The following GULP1 variants were observed in gnomAD, a reference collection of about 807,000 sequenced individuals.
GULP1 encodes PTB domain-containing engulfment adapter protein 1.
In GULP1, 19 loss-of-function variants were observed where a neutral mutation model predicts 40.9. The ratio of observed to expected loss-of-function variants is 0.46; its 90% CI spans 0.32 to 0.68. The LOEUF is 0.68. GULP1 is among the 30% of genes least tolerant of loss of function. The pLI is 0.03. For synonymous variants in GULP1, 119 were observed against 117.6 expected, an observed-to-expected ratio of 1.01 and a Z score of -0.08; for missense variants, 312 against 362.2, an observed-to-expected ratio of 0.86 and a Z score of 1.12.
intron 4 of GULP1, among the ~76,000 whole-genome samples, chr2:188,489,145 G>T (rs967990536): frequency 6.6e-6 from 1 of 151,958 alleles, no homozygotes; most frequent in Non-Finnish European, 1.5e-5. Context: ...ATCTATTAGT[G>T]TGTCAAAAAA....
chr2:188,523,920 T>TG (rs1685472850), intron 5 of GULP1, among the ~76,000 whole-genome samples: 3 of 152,196 alleles, frequency 2.0e-5, no homozygotes, highest in Middle Eastern at 3.2e-3. Context: ...CACTCCCATT[T>TG]GGGAAAAAAG....
intron 4 of GULP1, among the ~76,000 whole-genome samples, chr2:188,503,558 C>A (rs1350844116): frequency 1.3e-5 from 2 of 151,864 alleles, no homozygotes; most frequent in Non-Finnish European, 2.9e-5. Context: ...ATGAAGATTA[C>A]AATTCGAGAT....
chr2:188,337,686 G>A (rs917319291), intron 1 of GULP1, among the ~76,000 whole-genome samples: 5 of 151,814 alleles, frequency 3.3e-5, no homozygotes, highest in African/African-American at 1.2e-4. Context: ...CCTGGTGATG[G>A]TAGTCGTGCT....
intron 2 of GULP1, among the ~76,000 whole-genome samples, chr2:188,419,254 T>A (rs116779190): frequency 0.012 from 1,855 of 152,114 alleles, 16 homozygotes; most frequent in East Asian, 0.022. Context: ...AGTTTTTTTT[T>A]AAGTTGTTTG....
At chr2:188,461,518 T>C (rs768390000) in intron 2 of GULP1, among the ~76,000 whole-genome samples, 1 of 151,928 alleles carries the variant, frequency 6.6e-6, no homozygotes, top group Non-Finnish European at 1.5e-5. Flanking sequence ...TGGGTCAGGC[T>C]GGACTCAAAC....
chr2:188,329,988 G>A (rs1351034243), intron 1 of GULP1, among the ~76,000 whole-genome samples: 1 of 152,096 alleles, frequency 6.6e-6, no homozygotes, highest in African/African-American at 2.4e-5. Flanking sequence ...ACTTTGAGAT[G>A]CGCCAAAGTA....
At chr2:188,385,578 T>C (rs975010024) in intron 2 of GULP1, among the ~76,000 whole-genome samples, 11 of 152,348 alleles carry the variant, frequency 7.2e-5, no homozygotes, top group African/African-American at 2.6e-4. Context: ...AAACGGGATT[T>C]TCTTTTCTAT....
At chr2:188,488,832 C>A (rs2062088540) in intron 4 of GULP1, among the ~76,000 whole-genome samples, 1 of 151,786 alleles carries the variant, frequency 6.6e-6, no homozygotes, top group South Asian at 2.1e-4. Context: ...CATTCTGGAA[C>A]AAAATATTAA....
intron 9 of GULP1, among the ~76,000 whole-genome samples, chr2:188,581,527 T>C (rs1283343339): frequency 2.0e-5 from 3 of 152,198 alleles, no homozygotes; most frequent in Non-Finnish European, 2.9e-5. Context: ...AGCTCAGCTC[T>C]CTCCAGCTCA....
chr2:188,529,451 G>A (rs561747365), intron 6 of GULP1, among the ~76,000 whole-genome samples: 4 of 152,096 alleles, frequency 2.6e-5, no homozygotes, highest in African/African-American at 9.6e-5. Context: ...CGTGTATTTG[G>A]GAATGTTTTT....
At chr2:188,517,121 T>A (rs189106611) in intron 4 of GULP1, among the ~76,000 whole-genome samples, 16 of 152,284 alleles carry the variant, frequency 1.1e-4, no homozygotes, top group Non-Finnish European at 4.4e-5. Flanking sequence ...AAACATTATT[T>A]TTTTTTAATT....
intron 4 of GULP1, among the ~76,000 whole-genome samples, chr2:188,521,275 G>A (rs1242930368): frequency 6.6e-6 from 1 of 152,070 alleles, no homozygotes; most frequent in Non-Finnish European, 1.5e-5. Flanking sequence ...CTAGACTTCT[G>A]TTTAGGAGGT....
intron 4 of GULP1, among the ~76,000 whole-genome samples, chr2:188,491,747 A>G (rs565775590): frequency 6.6e-6 from 1 of 152,226 alleles, no homozygotes; most frequent in African/African-American, 2.4e-5. Flanking sequence ...ATTTTAAGAG[A>G]CATTTTAAAG....
At chr2:188,336,518 A>AATAAACAT (rs200705509) in intron 1 of GULP1, among the ~76,000 whole-genome samples, 1,738 of 152,312 alleles carry the variant, frequency 0.011, 14 homozygotes, top group Non-Finnish European at 0.02. Flanking sequence ...TCAGGCTGAA[A>AATAAACAT]ATAAACATAT....
In GULP1 at chr2:188,594,029, C is replaced by G; in HGVS notation, c.*18C>G. The G allele has an allele frequency of 2.1e-6, 3 of 1,405,304 alleles. No homozygotes were observed. The highest frequency in any genetic ancestry group is 3.0e-6 in the Non-Finnish European group (3 of 991,494). The allele number at this position is 1,405,304 out of a possible 1,614,324, so 87.1% of individuals were successfully genotyped here. A position where few individuals can be genotyped will look rare whatever the true frequency, so the allele number is the denominator to read the frequency against. On this transcript the variant is annotated 3_prime_UTR_variant, in exon 12 of 12. Transcript: ENST00000409830. ...GGTGCTGACATCAAGAACAAGAAAT[C>G]CTGATTCATGTTAAATGTGTTTGTA... is the stretch of plus-strand genomic sequence containing the variant.
intron 5 of GULP1, among the ~76,000 whole-genome samples, chr2:188,525,788 A>T (rs1686024116): frequency 6.6e-6 from 1 of 152,224 alleles, no homozygotes. Context: ...GTGAAGTCTC[A>T]GCCTAGTAGA....
intron 6 of GULP1, among the ~76,000 whole-genome samples, chr2:188,540,597 A>T (rs1211808587): frequency 6.6e-6 from 1 of 152,030 alleles, no homozygotes; most frequent in Non-Finnish European, 1.5e-5. Flanking sequence ...CAGAAGTTCC[A>T]AAGATGAGCT....
chr2:188,568,097 G>A (rs1379646166), intron 7 of GULP1, among the ~76,000 whole-genome samples: 1 of 151,624 alleles, frequency 6.6e-6, no homozygotes, highest in African/African-American at 2.4e-5. Flanking sequence ...AGTTAACTAG[G>A]TTAAATACTA....
intron 2 of GULP1, among the ~76,000 whole-genome samples, chr2:188,411,907 G>A (rs2053944333): frequency 6.6e-6 from 1 of 152,174 alleles, no homozygotes; most frequent in Non-Finnish European, 1.5e-5. Context: ...CCATTTTGGG[G>A]TGGCATCTGT....
Sources: gnomAD v4.1 joint callset for allele counts (sites outside exome capture counted in the v4.1 genomes callset) on GRCh38, gnomAD v4.1.1 for gene constraint, MANE v1.5 for transcripts, NCBI Gene and HGNC (gene_info 2026-07-23, HGNC 2026-07-21) for gene names.